Variants in CAPS2 observed in about 807,000 individuals in gnomAD.
The protein encoded by CAPS2 is calcyphosin-2.
Under a neutral mutation model 86.5 loss-of-function variants are expected in CAPS2, and 98 were observed. That is an observed-to-expected ratio of 1.13 (90% CI 0.96 to 1.34). The LOEUF is 1.34. Among genes scored for constraint, CAPS2 ranks in the 40% most tolerant of loss-of-function variants. The pLI is 0.00. For missense variants in CAPS2, 729 were observed against 686.8 expected (o/e 1.06, Z -0.69); for synonymous variants, 210 against 225.1 (o/e 0.93, Z 0.60).
chr12:75,380,382 C>G (rs1207675079), intron 1 of CAPS2, among the ~76,000 whole-genome samples: 2 of 152,236 alleles, frequency 1.3e-5, no homozygotes, highest in African/African-American at 4.8e-5. Flanking sequence ...GTGGAACTCC[C>G]ATTTTCTCTC....
At chr12:75,307,929 T>A (rs2038700841) in intron 7 of CAPS2, among the ~76,000 whole-genome samples, 2 of 152,316 alleles carry the variant, frequency 1.3e-5, no homozygotes, top group South Asian at 4.1e-4. Flanking sequence ...CCATTCACAC[T>A]GACTTCCTAG....
intron 2 of CAPS2, among the ~76,000 whole-genome samples, chr12:75,323,620 G>A (rs1056443759): frequency 3.3e-5 from 5 of 152,138 alleles, no homozygotes; most frequent in Admixed American, 6.5e-5. Flanking sequence ...ACACATGCCT[G>A]TAATCCCAGC....
At chr12:75,299,699 T>C (rs146189578) in intron 9 of CAPS2, 138 bp downstream of exon 9, 280 of 434,464 alleles carry the variant, frequency 6.4e-4, no homozygotes, top group African/African-American at 5.0e-3. Flanking sequence ...GCTATTATTT[T>C]AAAATGTTTG....
intron 8 of CAPS2, among the ~76,000 whole-genome samples, chr12:75,304,349 A>G (rs2038181984): frequency 1.3e-5 from 2 of 152,238 alleles, no homozygotes; most frequent in Non-Finnish European, 2.9e-5. Flanking sequence ...ATTGTAAAAG[A>G]TCATACCAAT....
Position 75,298,782 on chromosome 12 carries a change from T to G in CAPS2, c.951-2A>C. The G allele has an allele frequency of 6.2e-7, 1 of 1,612,094 alleles. No individual in the cohort carries two copies. The highest frequency in any genetic ancestry group is 8.5e-7 in the Non-Finnish European group (1 of 1,178,372). On this transcript the variant is annotated splice_acceptor_variant, in intron 10 of 16. Coordinates refer to ENST00000393284, the Ensembl canonical transcript of CAPS2. LOFTEE classifies it high-confidence loss of function. ...TGAATAAAAGGAAGCACATTTGTTCTAGAAAGTAAATGAAAAAAAAATGGA... is the reference window on the plus strand; with the variant it reads ...TGAATAAAAGGAAGCACATTTGTTCGAGAAAGTAAATGAAAAAAAAATGGA...
At chr12:75,365,946 T>G (rs1011240427) in intron 1 of CAPS2, among the ~76,000 whole-genome samples, 5 of 152,180 alleles carry the variant, frequency 3.3e-5, no homozygotes, top group Non-Finnish European at 7.4e-5. Flanking sequence ...TATAGTTTTA[T>G]AACCCTTATG....
chr12:75,292,321 C>T (rs1204333851), intron 12 of CAPS2, among the ~76,000 whole-genome samples: 1 of 152,072 alleles, frequency 6.6e-6, no homozygotes, highest in Non-Finnish European at 1.5e-5. Context: ...CCACCTCAGC[C>T]TCCCAAAGTG....
intron 11 of CAPS2, among the ~76,000 whole-genome samples, chr12:75,294,489 G>GGA (rs1388960134): frequency 3.3e-5 from 5 of 152,178 alleles, no homozygotes; most frequent in African/African-American, 1.2e-4. Context: ...AAACAGCAAG[G>GGA]GAGAGAGCAC....
upstream of CAPS2, chr12:75,335,033 T>G (rs942974490): frequency 6.1e-6 from 5 of 819,512 alleles, no homozygotes; most frequent in Admixed American, 1.2e-4. Context: ...AAGAAAAAAA[T>G]TCACACCTTG....
chr12:75,285,536 T>C (rs1312553758), intron 14 of CAPS2, among the ~76,000 whole-genome samples: 1 of 151,976 alleles, frequency 6.6e-6, no homozygotes, highest in Non-Finnish European at 1.5e-5. Flanking sequence ...TGCTGTGCAA[T>C]AGATCACCCA....
intron 1 of CAPS2, among the ~76,000 whole-genome samples, chr12:75,337,005 T>C (rs904240601): frequency 2.0e-5 from 3 of 151,758 alleles, no homozygotes; most frequent in Non-Finnish European, 3.0e-5. Flanking sequence ...ATCTAAATGG[T>C]CCATAAGTTA....
chr12:75,328,419 T>A (rs1173908936), upstream of CAPS2, among the ~76,000 whole-genome samples: 2 of 152,212 alleles, frequency 1.3e-5, no homozygotes, highest in African/African-American at 2.4e-5. Flanking sequence ...AATCCTCAAA[T>A]GTCCAGGTCC....
chr12:75,291,537 A>AATAT (rs1781064406), intron 13 of CAPS2, among the ~76,000 whole-genome samples: 1 of 71,934 alleles, frequency 1.4e-5, no homozygotes, highest in African/African-American at 6.1e-5. Context: ...TATTTTAAAA[A>AATAT]GTATATATAT....
chr12:75,346,574 A>G (rs1175807369), intron 1 of CAPS2, among the ~76,000 whole-genome samples: 1 of 152,186 alleles, frequency 6.6e-6, no homozygotes, highest in Non-Finnish European at 1.5e-5. Context: ...TATTTTTAGT[A>G]GAAACGGGGT....
chr12:75,342,559 C>T (rs575269899), intron 1 of CAPS2, among the ~76,000 whole-genome samples: 1 of 152,162 alleles, frequency 6.6e-6, no homozygotes, highest in African/African-American at 2.4e-5. Flanking sequence ...TATTTGTCTA[C>T]CCTTGTGTCA....
chr12:75,295,933 T>C (rs1038199823), intron 11 of CAPS2, among the ~76,000 whole-genome samples: 5 of 151,472 alleles, frequency 3.3e-5, no homozygotes, highest in Admixed American at 6.6e-5. Context: ...CTAAAAGATA[T>C]AAAGAAAAAA....
intron 8 of CAPS2, 135 bp from the exon 9 acceptor site, chr12:75,300,046 C>A (rs1025206313): frequency 4.6e-6 from 2 of 432,526 alleles, no homozygotes; most frequent in South Asian, 6.5e-5. Flanking sequence ...AAAAAAAACT[C>A]TTTTTTTCAG....
chr12:75,350,412 G>A (rs2042728103), intron 1 of CAPS2, among the ~76,000 whole-genome samples: 1 of 152,138 alleles, frequency 6.6e-6, no homozygotes, highest in African/African-American at 2.4e-5. Context: ...CTCCCAACAG[G>A]GGTCTCCAGG....
intron 11 of CAPS2, among the ~76,000 whole-genome samples, chr12:75,294,089 G>T (rs971896194): frequency 6.6e-6 from 1 of 151,944 alleles, no homozygotes; most frequent in Non-Finnish European, 1.5e-5. Flanking sequence ...CCACCACCAC[G>T]CCCGGCTGGT....
Sources: allele counts gnomAD v4.1 joint callset (sites outside exome capture counted in the v4.1 genomes callset), GRCh38; gene constraint gnomAD v4.1.1; transcripts MANE v1.5; gene names NCBI Gene and HGNC (gene_info 2026-07-23, HGNC 2026-07-21).